USP42: variants seen among roughly 807,000 people sequenced by gnomAD.
USP42 encodes ubiquitin carboxyl-terminal hydrolase 42.
Under a neutral mutation model 113.0 loss-of-function variants are expected in USP42, and 23 were observed. That is an observed-to-expected ratio of 0.20 (90% confidence interval 0.15 to 0.29). The LOEUF is 0.29. USP42 is among the 10% of genes least tolerant of loss of function. The probability of loss-of-function intolerance (pLI) is 1.00; values close to 1 mark genes in which losing one functional copy is unlikely to be tolerated. For missense variants in USP42, 2,174 were observed against 1,779.8 expected, an observed-to-expected ratio of 1.22 and a Z score of -3.99; for synonymous variants, 933 against 699.0, an observed-to-expected ratio of 1.33 and a Z score of -5.28.
intron 14 of USP42, among the ~76,000 whole-genome samples, chr7:6,152,076 G>T (rs183282849): frequency 7.9e-5 from 12 of 152,206 alleles, no homozygotes; most frequent in Admixed American, 7.9e-4. Flanking sequence ...TGAATGTAAC[G>T]TTGGTCAGGA....
rs143153963 is a variant in USP42 at position 6,147,840 on chromosome 7, A to G, written c.1334A>G (p.Lys445Arg). The G allele has an allele frequency of 5.6e-4, 909 of 1,613,530 alleles. 7 individuals carry two copies. In the African/African-American group the frequency reaches 0.011, roughly 19 times the overall value. ...ATCAGTCAGCGGGTTGTCACCAACA[A>G]ACAGGCTGCGCCAGGCTTTATCGGA... Reference protein sequence around the residue: ...PVISQRVVTNKQAAPGFIGPQ... With the variant: ...PVISQRVVTNRQAAPGFIGPQ... Residue 445 changes from lysine (K) to arginine (R), a missense_variant, in exon 12 of 18, where the codon AAA becomes AGA. By Grantham distance (26) the Lys-to-Arg change is conservative. Coordinates refer to ENST00000306177, the MANE Select transcript of USP42 (RefSeq NM_032172.3).
chr7:6,091,981 C>T, the USP42 span, among the ~76,000 whole-genome samples: 4 of 24,176 alleles, frequency 1.7e-4, no homozygotes, highest in Admixed American at 9.8e-4. Flanking sequence ...CGTATTTTTT[C>T]TTCTTCTTCT....
At chr7:6,122,970 T>A (rs778078085) in intron 3 of USP42, among the ~76,000 whole-genome samples, 22 of 151,860 alleles carry the variant, frequency 1.4e-4, no homozygotes, top group South Asian at 4.2e-4. Context: ...ATTACAGGCA[T>A]GCGCCACCAC....
the USP42 span, chr7:6,084,778 G>C: frequency 6.7e-6 from 1 of 150,060 alleles, no homozygotes; most frequent in African/African-American, 2.5e-5. Context: ...GAGTGCAGTG[G>C]CAGAATTTCA....
chr7:6,161,526 T>C lies in USP42; in HGVS notation c.*1008T>C, dbSNP rs1447732872. ...CTTGCCCCACTGTAAATATACAGCA[T>C]GTAAAATTTCTATAGTATATAAATG... On this transcript the variant is annotated 3_prime_UTR_variant, in exon 18 of 18. Coordinates refer to ENST00000306177, the MANE Select transcript of USP42 (RefSeq NM_032172.3). 1.3e-5 allele frequency: 2 copies of C among 152,774 alleles called. No homozygotes were observed. The allele number at this position is 152,774 out of a possible 1,614,324, so 9.5% of individuals were successfully genotyped here.
intron 14 of USP42, among the ~76,000 whole-genome samples, chr7:6,150,873 T>C (rs961766922): frequency 1.3e-5 from 2 of 152,194 alleles, no homozygotes; most frequent in African/African-American, 2.4e-5. Flanking sequence ...CTCTCAGTCC[T>C]GTGAAGAAGC....
chr7:6,101,764 G>C (rs1222557239), upstream of USP42, among the ~76,000 whole-genome samples: 1 of 150,960 alleles, frequency 6.6e-6, no homozygotes, highest in South Asian at 2.1e-4. Context: ...GGTAGACAAC[G>C]CCAAGAGATG....
chr7:6,082,290 G>A, the USP42 span, among the ~76,000 whole-genome samples: 1 of 151,774 alleles, frequency 6.6e-6, no homozygotes, highest in Non-Finnish European at 1.5e-5. Context: ...CACCAGGCCC[G>A]GCTAATTTTT....
intron 7 of USP42, among the ~76,000 whole-genome samples, chr7:6,142,153 T>C: frequency 6.6e-6 from 1 of 152,238 alleles, no homozygotes; most frequent in South Asian, 2.1e-4. Flanking sequence ...TGGGAGAGGA[T>C]ATAATTTGGT....
At chr7:6,099,272 T>G in the USP42 span, among the ~76,000 whole-genome samples, 576 of 138,276 alleles carry the variant, frequency 4.2e-3, 27 homozygotes, top group African/African-American at 0.016. Flanking sequence ...TGGAGTGCAG[T>G]GGCGCGATCT....
chr7:6,104,145 C>G (rs1779115586), upstream of USP42, among the ~76,000 whole-genome samples: 1 of 151,338 alleles, frequency 6.6e-6, no homozygotes. Flanking sequence ...TGCAGAGGCG[C>G]GATCTCGGCT....
In USP42 at chr7:6,111,172, A is replaced by G. The variant is rs763365997; in HGVS notation, c.39A>G (p.Pro13=). 2.5e-6 allele frequency: 4 copies of G among 1,613,298 alleles called. No individual in the cohort carries two copies. Among genetic ancestry groups the G allele is most frequent in the South Asian group, 1.1e-5 (1 of 90,954 alleles). The change falls in exon 2 of 18, where the codon CCA becomes CCG. Residue 13 remains proline (P), a synonymous_variant. Coordinates refer to ENST00000306177, the MANE Select transcript of USP42 (RefSeq NM_032172.3). ...IVDKASESSD[P]SAYQNQPGSS... ...ACAAAGCTTCTGAATCTTCAGACCC[A>G]TCAGCCTATCAGAATCAGCCTGGCA...
chr7:6,144,339 TG>T (rs1781588118), intron 9 of USP42, 143 bp downstream of exon 9: 2 of 604,498 alleles, frequency 3.3e-6, no homozygotes, highest in African/African-American at 3.9e-5. Context: ...TTGTCTGTTT[TG>T]TTGGTACCCG....
the USP42 span, among the ~76,000 whole-genome samples, chr7:6,093,338 T>G: frequency 1.3e-5 from 2 of 149,536 alleles, no homozygotes; most frequent in Non-Finnish European, 2.9e-5. Flanking sequence ...CAGGCTGGAG[T>G]GCAGTGGCAG....
At chr7:6,116,132 C>T (rs1779900424) in intron 3 of USP42, among the ~76,000 whole-genome samples, 1 of 151,020 alleles carries the variant, frequency 6.6e-6, no homozygotes, top group African/African-American at 2.4e-5. Context: ...CGTCTGATGC[C>T]AGCAACTTGG....
chr7:6,133,512 GTTGT>G (rs770103910), intron 3 of USP42, among the ~76,000 whole-genome samples: 12 of 152,120 alleles, frequency 7.9e-5, no homozygotes, highest in Non-Finnish European at 1.3e-4. Flanking sequence ...TTTTGTTATT[GTTGT>G]TTGTTTTTAT....
the USP42 span, among the ~76,000 whole-genome samples, chr7:6,099,213 T>C: frequency 1.1e-4 from 15 of 133,916 alleles, no homozygotes; most frequent in Admixed American, 6.6e-4. Flanking sequence ...TTCCCTCTCT[T>C]TTTTTTTTTT....
chr7:6,125,751 CT>C (rs1219127216), intron 3 of USP42, among the ~76,000 whole-genome samples: 1 of 149,166 alleles, frequency 6.7e-6, no homozygotes, highest in Non-Finnish European at 1.5e-5. Flanking sequence ...TTTTTCCTTA[CT>C]TTTGTTTTGT....
At chr7:6,123,043 C>G (rs1359083612) in intron 3 of USP42, among the ~76,000 whole-genome samples, 1 of 151,104 alleles carries the variant, frequency 6.6e-6, no homozygotes, top group African/African-American at 2.4e-5. Context: ...CTAGGCTGGT[C>G]TCAAACTCCT....
Sources: allele counts gnomAD v4.1 joint callset (sites outside exome capture counted in the v4.1 genomes callset), GRCh38; gene constraint gnomAD v4.1.1; transcripts MANE v1.5; gene names NCBI Gene and HGNC (gene_info 2026-07-23, HGNC 2026-07-21).